SUCLG2: variants seen among roughly 807,000 people sequenced by gnomAD.
The protein encoded by SUCLG2 is succinate-CoA ligase GDP-forming subunit beta.
A neutral mutation model predicts 47.9 loss-of-function variants in SUCLG2; 42 were observed. That is an observed-to-expected ratio of 0.88 (90% CI 0.69 to 1.14). The LOEUF (loss-of-function observed/expected upper bound fraction) is 1.14, where lower values mean the gene tolerates loss of function less well. Among genes scored for constraint, SUCLG2 ranks in the 50% most tolerant of loss-of-function variants. The probability of loss-of-function intolerance (pLI) is 0.00; values close to 1 mark genes in which losing one functional copy is unlikely to be tolerated. For missense variants in SUCLG2, 571 were observed against 525.9 expected, an observed-to-expected ratio of 1.09 and a Z score of -0.84; for synonymous variants, 195 against 197.3, an observed-to-expected ratio of 0.99 and a Z score of 0.10.
At chr3:67,459,535 G>C (rs1290749617) in intron 9 of SUCLG2, among the ~76,000 whole-genome samples, 1 of 152,156 alleles carries the variant, frequency 6.6e-6, no homozygotes, top group Non-Finnish European at 1.5e-5. Context: ...GTTTAAATTT[G>C]GGTCAGTTTG....
chr3:67,528,644 A>G (rs147589149), intron 3 of SUCLG2, among the ~76,000 whole-genome samples: 1 of 152,242 alleles, frequency 6.6e-6, no homozygotes, highest in African/African-American at 2.4e-5. Context: ...GGAGGAGAGG[A>G]AAGTGTTCAG....
At chr3:67,550,175 C>A (rs999530948) in intron 2 of SUCLG2, among the ~76,000 whole-genome samples, 1 of 152,176 alleles carries the variant, frequency 6.6e-6, no homozygotes, top group Non-Finnish European at 1.5e-5. Context: ...CTGCTCCATG[C>A]GGGTAACATG....
At chr3:67,512,012 G>C (rs1392700673) in intron 6 of SUCLG2, among the ~76,000 whole-genome samples, 4 of 151,026 alleles carry the variant, frequency 2.6e-5, no homozygotes, top group Non-Finnish European at 4.4e-5. Flanking sequence ...ACTAGGCTGA[G>C]CTAATTTTTT....
At chr3:67,590,500 A>C (rs1708131638) in intron 2 of SUCLG2, among the ~76,000 whole-genome samples, 1 of 152,096 alleles carries the variant, frequency 6.6e-6, no homozygotes, top group Non-Finnish European at 1.5e-5. Context: ...GACGTGAGTG[A>C]GTTCTCACTC....
At chr3:67,414,821 A>T (rs1022174475) in intron 9 of SUCLG2, among the ~76,000 whole-genome samples, 1 of 152,064 alleles carries the variant, frequency 6.6e-6, no homozygotes, top group African/African-American at 2.4e-5. Context: ...TAACTTTTGG[A>T]TTTTCCCACT....
chr3:67,534,705 A>T (rs1428979354), intron 2 of SUCLG2, among the ~76,000 whole-genome samples: 1 of 148,372 alleles, frequency 6.7e-6, no homozygotes, highest in Non-Finnish European at 1.5e-5. Context: ...ACATTGTGTC[A>T]ATTATATTAA....
intron 9 of SUCLG2, among the ~76,000 whole-genome samples, chr3:67,493,263 T>C (rs1439222452): frequency 1.3e-5 from 2 of 152,206 alleles, no homozygotes; most frequent in African/African-American, 4.8e-5. Context: ...ACTCATTACA[T>C]TTCTATGTTT....
chr3:67,495,735 GT>G, intron 9 of SUCLG2, 62 bp downstream of exon 9: 1 of 1,590,424 alleles, frequency 6.3e-7, no homozygotes, highest in Non-Finnish European at 8.6e-7. Context: ...GGAAGAACAA[GT>G]GAGCTCTTGA....
chr3:67,378,392 C>T (rs1222875090), intron 10 of SUCLG2, among the ~76,000 whole-genome samples: 1 of 152,204 alleles, frequency 6.6e-6, no homozygotes, highest in Non-Finnish European at 1.5e-5. Flanking sequence ...AAGCAAACTA[C>T]CCTGCTATGA....
At chr3:67,636,991 G>C (rs1250204818) in intron 1 of SUCLG2, among the ~76,000 whole-genome samples, 1 of 152,004 alleles carries the variant, frequency 6.6e-6, no homozygotes. Flanking sequence ...TGTCATGGTA[G>C]ACATCAATAA....
At chr3:67,529,963 C>A (rs935753294) in intron 2 of SUCLG2, among the ~76,000 whole-genome samples, 6 of 152,212 alleles carry the variant, frequency 3.9e-5, no homozygotes, top group Non-Finnish European at 8.8e-5. Context: ...TAGCTCCCCT[C>A]CCCAACCACC....
At chr3:67,379,967 G>C (rs1294671499) in intron 10 of SUCLG2, among the ~76,000 whole-genome samples, 1 of 152,282 alleles carries the variant, frequency 6.6e-6, no homozygotes, top group African/African-American at 2.4e-5. Flanking sequence ...TTGCTTACTG[G>C]ATACCTCCCA....
chr3:67,574,960 T>A (rs868238396), intron 2 of SUCLG2, among the ~76,000 whole-genome samples: 1 of 152,340 alleles, frequency 6.6e-6, no homozygotes, highest in African/African-American at 2.4e-5. Context: ...GATATTCAAC[T>A]GCATTAGTCA....
At position 67,394,252 on chromosome 3, in the gene SUCLG2, G is replaced by T. The variant is rs555741967; in HGVS notation, c.1183+6479C>A. Among the ~76,000 whole-genome samples, 7 of 151,858 alleles carry T rather than the reference G, an allele frequency of 4.6e-5. No homozygotes were observed. The East Asian group carries it at 1.3e-3, about 29-fold the overall frequency. Reference sequence around the variant, plus strand: ...CTACAGGAGGAAATTCAAACCAAAGGCAAAGAAGTTAAAAACTTTGAAAAA... The same window carrying T: ...CTACAGGAGGAAATTCAAACCAAAGTCAAAGAAGTTAAAAACTTTGAAAAA... On this transcript the variant is annotated intron_variant, in intron 10 of 10. Coordinates refer to ENST00000307227, the MANE Select transcript of SUCLG2 (RefSeq NM_003848.4).
chr3:67,585,467 C>T (rs372942131), intron 2 of SUCLG2, among the ~76,000 whole-genome samples: 2 of 152,158 alleles, frequency 1.3e-5, no homozygotes, highest in African/African-American at 2.4e-5. Context: ...ACTGTAAATA[C>T]TGGTACAAGT....
At chr3:67,648,275 CTG>C (rs1158173704) in intron 1 of SUCLG2, among the ~76,000 whole-genome samples, 1 of 152,174 alleles carries the variant, frequency 6.6e-6, no homozygotes, top group African/African-American at 2.4e-5. Flanking sequence ...CCCTACTACT[CTG>C]TTGACAAGAC....
chr3:67,489,911 A>G (rs9309817), intron 9 of SUCLG2, among the ~76,000 whole-genome samples: 15,418 of 152,186 alleles, frequency 0.1, 1,120 homozygotes, highest in East Asian at 0.33. Context: ...AGGCTAACCA[A>G]TTGGAAGCAG....
In SUCLG2 at chr3:67,496,233, G is replaced by A. The variant is rs551137481; in HGVS notation, c.920-293C>T. Among the ~76,000 whole-genome samples the A allele has an allele frequency of 1.1e-4, 16 of 152,304 alleles. 1 individual carries two copies. The highest frequency in any genetic ancestry group is 3.1e-4 in the African/African-American group (13 of 41,570). ...GAAGGAAAGGTTTAAGTAAGTAACC[G>A]ATTTGGGCCAGTAGTAAAAAAGGAA... is the stretch of plus-strand genomic sequence containing the variant. On this transcript the variant is annotated intron_variant, in intron 8 of 10. Transcript: ENST00000307227.
intron 1 of SUCLG2, among the ~76,000 whole-genome samples, chr3:67,628,223 A>G (rs2107347543): frequency 6.6e-6 from 1 of 152,354 alleles, no homozygotes; most frequent in South Asian, 2.1e-4. Flanking sequence ...TGGCTAGAGC[A>G]GCTCCACAGG....
Sources: gnomAD v4.1 joint callset for allele counts (sites outside exome capture counted in the v4.1 genomes callset) on GRCh38, gnomAD v4.1.1 for gene constraint, MANE v1.5 for transcripts, NCBI Gene and HGNC (gene_info 2026-07-23, HGNC 2026-07-21) for gene names.